The following SLC6A6 variants were observed in gnomAD, a reference collection of about 807,000 sequenced individuals.
SLC6A6 encodes the protein solute carrier family 6 member 6, also known as sodium- and chloride-dependent taurine transporter.
SLC6A6 carries 16 observed loss-of-function variants against 68.8 expected under a neutral mutation model. The observed-to-expected ratio is 0.23, with a 90% CI of 0.16 to 0.35. The LOEUF (loss-of-function observed/expected upper bound fraction) is 0.35. SLC6A6 is among the 10% of genes least tolerant of loss of function. The pLI is 1.00. For synonymous variants in SLC6A6, 312 were observed against 315.4 expected, an observed-to-expected ratio of 0.99 and a Z score of 0.12; for missense variants, 474 against 802.8, an observed-to-expected ratio of 0.59 and a Z score of 4.95.
rs192256776 is a variant in SLC6A6 at position 14,471,210 on chromosome 3, T to A, written c.1097-995T>A. 3.3e-5 allele frequency among the ~76,000 whole-genome samples: 5 copies of A among 151,714 alleles called. No individual in the cohort carries two copies. The East Asian group carries it at 9.7e-4, about 29-fold the overall frequency. Reference sequence around the variant, plus strand: ...GCTTCTCAGACCCACAGGTCTCAGTTAACAATTAAATTATTTCCGTTGGCA... The same window carrying A: ...GCTTCTCAGACCCACAGGTCTCAGTAAACAATTAAATTATTTCCGTTGGCA... On this transcript the variant is annotated intron_variant, in intron 9 of 14. Coordinates refer to ENST00000622186, the MANE Select transcript of SLC6A6 (RefSeq NM_003043.6).
intron 1 of SLC6A6, among the ~76,000 whole-genome samples, chr3:14,408,945 T>C (rs1306722936): frequency 1.3e-5 from 2 of 152,202 alleles, no homozygotes; most frequent in Admixed American, 6.5e-5. Context: ...TAGCTGGGAC[T>C]ACAGGCACCC....
At chr3:14,407,507 TTTC>T (rs1699136936) in intron 1 of SLC6A6, among the ~76,000 whole-genome samples, 1 of 151,608 alleles carries the variant, frequency 6.6e-6, no homozygotes, top group Non-Finnish European at 1.5e-5. Flanking sequence ...CCGTTTTCTT[TTTC>T]TTTTTTTTTT....
intron 5 of SLC6A6, among the ~76,000 whole-genome samples, chr3:14,457,670 A>G (rs1351120349): frequency 6.6e-6 from 1 of 152,226 alleles, no homozygotes; most frequent in Non-Finnish European, 1.5e-5. Context: ...TTCACAGATG[A>G]GGAAACTGAG....
intron 2 of SLC6A6, among the ~76,000 whole-genome samples, chr3:14,428,014 T>C (rs1244413041): frequency 6.6e-6 from 1 of 152,144 alleles, no homozygotes; most frequent in Non-Finnish European, 1.5e-5. Context: ...CCCCTAACTG[T>C]ATCCTAAGGG....
chr3:14,462,187 A>G (rs996265687), intron 6 of SLC6A6, among the ~76,000 whole-genome samples: 2 of 152,210 alleles, frequency 1.3e-5, no homozygotes, highest in Admixed American at 6.5e-5. Flanking sequence ...AGTTGAAAGC[A>G]TGGCTCTCAG....
chr3:14,421,438 C>T (rs187452415), intron 2 of SLC6A6, among the ~76,000 whole-genome samples: 88 of 152,290 alleles, frequency 5.8e-4, no homozygotes, highest in South Asian at 4.1e-3. Context: ...TCTGTCAAAA[C>T]GGGCCTGATG....
At chr3:14,411,854 C>T (rs1269206700) in intron 1 of SLC6A6, among the ~76,000 whole-genome samples, 2 of 152,204 alleles carry the variant, frequency 1.3e-5, no homozygotes, top group Non-Finnish European at 2.9e-5. Flanking sequence ...CAAGACAGAC[C>T]AAACTGTACC....
intron 5 of SLC6A6, among the ~76,000 whole-genome samples, chr3:14,457,710 C>T (rs1309088513): frequency 2.0e-5 from 3 of 152,216 alleles, no homozygotes; most frequent in Non-Finnish European, 2.9e-5. Flanking sequence ...TGCCTGAGGC[C>T]AGACTAAGTT....
At position 14,484,850 on chromosome 3, in the gene SLC6A6, C is replaced by G. The variant is rs1295987207; in HGVS notation, c.1723-17C>G. On this transcript the variant is annotated splice_polypyrimidine_tract_variant and intron_variant, in intron 14 of 14. Coordinates refer to ENST00000622186, the MANE Select transcript of SLC6A6 (RefSeq NM_003043.6). ...CCGCCTGACGTTTCCCCCCTCACTCCTGTCATCCTTCTCCAGAGAGTCAAG... is the reference window on the plus strand; with the variant it reads ...CCGCCTGACGTTTCCCCCCTCACTCGTGTCATCCTTCTCCAGAGAGTCAAG... 3.1e-6 allele frequency: 5 copies of G among 1,610,724 alleles called. No individual in the cohort carries two copies. In the East Asian group the frequency reaches 1.1e-4, roughly 36 times the overall value.
chr3:14,456,195 A>G (rs1050588007), intron 5 of SLC6A6, among the ~76,000 whole-genome samples: 4 of 152,220 alleles, frequency 2.6e-5, no homozygotes, highest in Admixed American at 2.6e-4. Flanking sequence ...CTTGGAAAGC[A>G]GGTGGTTGCT....
chr3:14,444,820 A>T lies in SLC6A6; in HGVS notation c.230-897A>T, dbSNP rs185396878. 108 of 456,632 alleles carry T rather than the reference A, an allele frequency of 2.4e-4. No individual in the cohort carries two copies. In the East Asian group the frequency reaches 6.5e-3, roughly 28 times the overall value. 28.3% of individuals were successfully genotyped at this position (456,632 alleles called of 1,614,324 possible). ...CATACACTAGACCCAAGTTGCCCAC[A>T]GTTTCAAAGGGTTTATGGACCCGCT... On this transcript the variant is annotated intron_variant, in intron 3 of 14. Coordinates refer to ENST00000622186, the MANE Select transcript of SLC6A6 (RefSeq NM_003043.6).
chr3:14,415,374 C>G (rs1699339800), intron 1 of SLC6A6, among the ~76,000 whole-genome samples: 1 of 152,158 alleles, frequency 6.6e-6, no homozygotes, highest in Admixed American at 6.5e-5. Context: ...CTGACACTGG[C>G]AAGTGCGCCT....
chr3:14,419,332 G>C lies in SLC6A6; in HGVS notation c.-12+2879G>C, dbSNP rs1699435756. ...AGCTCTGAAGTCTGAGCACTGCTAG[G>C]TGTGCGCCCTCCTCACTGGGCACGT... On this transcript the variant is annotated intron_variant, in intron 2 of 14. Coordinates refer to ENST00000622186, the MANE Select transcript of SLC6A6 (RefSeq NM_003043.6). 3.3e-5 allele frequency among the ~76,000 whole-genome samples: 5 copies of C among 152,208 alleles called. No individual in the cohort carries two copies. In the South Asian group the frequency reaches 1.0e-3, roughly 32 times the overall value.
At chr3:14,403,123 T>G (rs1037316197) in intron 1 of SLC6A6, among the ~76,000 whole-genome samples, 3 of 126,746 alleles carry the variant, frequency 2.4e-5, no homozygotes, top group Admixed American at 8.1e-5. Flanking sequence ...TGTGTGTGTG[T>G]GGCATATCTG....
At chr3:14,444,081 C>A in intron 3 of SLC6A6, 1 of 535,022 alleles carries the variant, frequency 1.9e-6, no homozygotes, top group Non-Finnish European at 3.4e-6. Flanking sequence ...CAGGGCCTTT[C>A]TGTGTTACCT....
intron 2 of SLC6A6, among the ~76,000 whole-genome samples, chr3:14,432,340 T>A (rs944547141): frequency 6.6e-6 from 1 of 152,190 alleles, no homozygotes; most frequent in African/African-American, 2.4e-5. Context: ...CGCCCCCATT[T>A]CCGGCAAAAC....
At chr3:14,454,032 G>A (rs372231590) in intron 5 of SLC6A6, among the ~76,000 whole-genome samples, 3 of 152,326 alleles carry the variant, frequency 2.0e-5, no homozygotes, top group East Asian at 1.9e-4. Context: ...CTTTACACCC[G>A]TTCACCTGTG....
rs1176482391 is a variant in SLC6A6, at chr3:14,466,475, A to C, written c.733-41A>C. On this transcript the variant is annotated intron_variant, in intron 6 of 14. Transcript: ENST00000622186. Reference sequence around the variant, plus strand: ...AGGATGCTCAGACTTAGCAGCAGCAAGTGATGCCCATGGCCTCCTGAATCC... The same window carrying C: ...AGGATGCTCAGACTTAGCAGCAGCACGTGATGCCCATGGCCTCCTGAATCC... 8 of 1,582,698 alleles carry C rather than the reference A, an allele frequency of 5.1e-6. No individual in the cohort carries two copies. The East Asian group carries it at 1.8e-4, about 36-fold the overall frequency.
At chr3:14,456,323 G>A (rs1700366407) in intron 5 of SLC6A6, among the ~76,000 whole-genome samples, 2 of 152,368 alleles carry the variant, frequency 1.3e-5, no homozygotes, top group South Asian at 4.1e-4. Context: ...CCTGTCTTAT[G>A]GCTGTTAGTG....
Sources: gnomAD v4.1 joint callset for allele counts (sites outside exome capture counted in the v4.1 genomes callset) on GRCh38, gnomAD v4.1.1 for gene constraint, MANE v1.5 for transcripts, NCBI Gene and HGNC (gene_info 2026-07-23, HGNC 2026-07-21) for gene names.